The following MECR variants were observed in gnomAD, a reference collection of about 807,000 sequenced individuals.
MECR encodes the protein enoyl-[acyl-carrier-protein] reductase, mitochondrial.
Under a neutral mutation model 49.1 loss-of-function variants are expected in MECR, and 37 were observed. The ratio of observed to expected loss-of-function variants is 0.75; its 90% CI spans 0.58 to 0.99. The LOEUF is 0.99. Ranked by LOEUF, MECR falls within the 50% of genes least tolerant of loss-of-function variation. The pLI, the probability that MECR is intolerant of heterozygous loss-of-function variation, is 0.00. For missense variants in MECR, 470 were observed against 479.6 expected, an observed-to-expected ratio of 0.98 and a Z score of 0.19; for synonymous variants, 198 against 191.1, an observed-to-expected ratio of 1.04 and a Z score of -0.30.
the MECR span, among the ~76,000 whole-genome samples, chr1:29,179,228 T>C: frequency 2.0e-5 from 3 of 152,226 alleles, no homozygotes; most frequent in African/African-American, 7.2e-5. Context: ...TCTAGATTCT[T>C]CATAAGGCTT....
chr1:29,196,086 C>T (rs928288496), intron 8 of MECR, 73 bp from the exon 9 acceptor site: 5 of 1,596,904 alleles, frequency 3.1e-6, no homozygotes, highest in Middle Eastern at 1.7e-4. Context: ...TACAGACTCC[C>T]CTCCAGGAAC....
At chr1:29,216,811 TTC>T (rs1679517256) in intron 1 of MECR, 126 bp from the exon 2 acceptor site, 1 of 1,540,606 alleles carries the variant, frequency 6.5e-7, no homozygotes, top group Non-Finnish European at 8.7e-7. Flanking sequence ...GGAATTACGG[TTC>T]TGTTATAAAA....
chr1:29,194,276 C>G, intron 9 of MECR, 97 bp from the exon 10 acceptor site: 1 of 1,358,250 alleles, frequency 7.4e-7, no homozygotes, highest in Non-Finnish European at 1.0e-6. Flanking sequence ...TGGCACCAAG[C>G]TCCAATAAAG....
At chr1:29,171,228 A>G in the MECR span, 1 of 151,842 alleles carries the variant, frequency 6.6e-6, no homozygotes, top group Non-Finnish European at 1.5e-5. Flanking sequence ...AACATCATAA[A>G]AAATACCATC....
intron 4 of MECR, among the ~76,000 whole-genome samples, chr1:29,204,240 G>A (rs968680715): frequency 9.2e-5 from 14 of 151,960 alleles, no homozygotes; most frequent in Admixed American, 2.0e-4. Flanking sequence ...AAGTGCCCCC[G>A]ATTAGAGTCA....
chr1:29,188,170 AGGATCATGGGAAG>A (rs554391513), downstream of MECR, among the ~76,000 whole-genome samples: 355 of 151,396 alleles, frequency 2.3e-3, no homozygotes, highest in Non-Finnish European at 3.6e-3. Context: ...AGGGGCCTCA[AGGATCATGGGAAG>A]GATTTGGAGT....
the MECR span, among the ~76,000 whole-genome samples, chr1:29,175,339 G>C: frequency 6.6e-6 from 1 of 151,432 alleles, no homozygotes. Flanking sequence ...CTTGTACCTG[G>C]GAGGTGAGCC....
the MECR span, among the ~76,000 whole-genome samples, chr1:29,175,004 AAAG>A: frequency 0.026 from 3,987 of 151,810 alleles, 154 homozygotes; most frequent in African/African-American, 0.092. Context: ...AAAAAAAAGA[AAAG>A]AAGAGAGACA....
rs1386520341 is a variant in MECR at position 29,193,018 on chromosome 1, C to G, written c.*1004G>C. The G allele has an allele frequency of 1.3e-5, 2 of 151,588 alleles. No individual in the cohort carries two copies. Among genetic ancestry groups the G allele is most frequent in the Non-Finnish European group, 2.9e-5 (2 of 68,204 alleles). 9.4% of individuals were successfully genotyped at this position (151,588 alleles called of 1,614,324 possible). A position where few individuals can be genotyped will look rare whatever the true frequency, so the allele number is the denominator to read the frequency against. On this transcript the variant is annotated 3_prime_UTR_variant, in exon 10 of 10. Coordinates refer to ENST00000263702, the MANE Select transcript of MECR (RefSeq NM_016011.5). ...GGAATGCAGTGGCATGATCATGGCT[C>G]ACTGCAGTCTAGACCTCCCAGGCTC... is the stretch of plus-strand genomic sequence containing the variant.
At chr1:29,185,807 G>A in the MECR span, among the ~76,000 whole-genome samples, 4 of 152,132 alleles carry the variant, frequency 2.6e-5, no homozygotes, top group East Asian at 1.9e-4. Flanking sequence ...GCAAAAACCC[G>A]TCTCTGCAGA....
the MECR span, among the ~76,000 whole-genome samples, chr1:29,175,713 A>G: frequency 1.4e-5 from 2 of 148,030 alleles, no homozygotes; most frequent in Non-Finnish European, 3.0e-5. Flanking sequence ...AAAAAAAAAA[A>G]AAAAAAAAAA....
chr1:29,215,380 C>A (rs1679119321), intron 3 of MECR, among the ~76,000 whole-genome samples: 1 of 151,930 alleles, frequency 6.6e-6, no homozygotes, highest in South Asian at 2.1e-4. Context: ...GAGTTTGAGA[C>A]CAGCCTGGTC....
At chr1:29,168,202 T>G in the MECR span, among the ~76,000 whole-genome samples, 82 of 149,756 alleles carry the variant, frequency 5.5e-4, 1 homozygote, top group South Asian at 4.2e-3. Context: ...TTTTTTTTTT[T>G]TTTTTTTTAG....
At position 29,203,145 on chromosome 1, in the gene MECR, A is replaced by G. The variant is rs1675734848; in HGVS notation, c.639T>C (p.Asn213=). 6.3e-7 allele frequency: 1 copy of G among 1,578,366 alleles called. No homozygotes were observed. The highest frequency in any genetic ancestry group is 8.6e-7 in the Non-Finnish European group (1 of 1,158,544). The change falls in exon 5 of 10, where the codon AAT becomes AAC. Residue 213 remains asparagine (N), a synonymous_variant. Coordinates refer to ENST00000263702, the MANE Select transcript of MECR (RefSeq NM_016011.5). ...TCCCCACGCACCTGTCTCGGACCACATTGATGGTTCTTAGGCCCAGGGCTG... is the reference window on the plus strand; with the variant it reads ...TCCCCACGCACCTGTCTCGGACCACGTTGATGGTTCTTAGGCCCAGGGCTG... ...IAAALGLRTI[N]VVRDRPDIQK...
intron 1 of MECR, chr1:29,223,248 C>T (rs1444454088): frequency 1.0e-6 from 1 of 985,332 alleles, no homozygotes. Context: ...CCTTTGAGGC[C>T]AAGGCTGTAC....
At chr1:29,167,698 T>C in the MECR span, among the ~76,000 whole-genome samples, 1 of 152,208 alleles carries the variant, frequency 6.6e-6, no homozygotes, top group African/African-American at 2.4e-5. Flanking sequence ...TCTGTAGCTT[T>C]TTAAGTCTTG....
At chr1:29,228,181 G>C (rs1022590677) in intron 1 of MECR, among the ~76,000 whole-genome samples, 4 of 151,976 alleles carry the variant, frequency 2.6e-5, no homozygotes, top group Non-Finnish European at 5.9e-5. Context: ...TTCAAGACCA[G>C]CCTGGGCAAC....
intron 7 of MECR, among the ~76,000 whole-genome samples, chr1:29,199,262 C>T (rs1394168045): frequency 1.3e-5 from 2 of 152,232 alleles, no homozygotes; most frequent in Non-Finnish European, 2.9e-5. Flanking sequence ...GAGTCTCCCT[C>T]TGTCGCCCAG....
intron 3 of MECR, among the ~76,000 whole-genome samples, chr1:29,211,503 C>T (rs140920726): frequency 1.4e-4 from 22 of 152,254 alleles, no homozygotes; most frequent in African/African-American, 5.1e-4. Context: ...ACTATTTGGC[C>T]CTTTAAGATA....
Sources: allele counts gnomAD v4.1 joint callset (sites outside exome capture counted in the v4.1 genomes callset), GRCh38; gene constraint gnomAD v4.1.1; transcripts MANE v1.5; gene names NCBI Gene and HGNC (gene_info 2026-07-23, HGNC 2026-07-21).